DAZL: variants seen among roughly 807,000 people sequenced by gnomAD.
DAZL encodes deleted in azoospermia-like.
DAZL carries 4 observed loss-of-function variants against 45.0 expected under a neutral mutation model. The ratio of observed to expected loss-of-function variants is 0.09; its 90% CI spans 0.04 to 0.20. The LOEUF (loss-of-function observed/expected upper bound fraction) is 0.20, where lower values mean the gene tolerates loss of function less well. Ranked by LOEUF, DAZL falls within the 10% of genes least tolerant of loss-of-function variation. The pLI is 1.00. For synonymous variants in DAZL, 122 were observed against 112.4 expected (o/e 1.09, Z -0.54); for missense variants, 326 against 351.3 (o/e 0.93, Z 0.58).
At chr3:16,593,339 G>A (rs568992191) in intron 9 of DAZL, among the ~76,000 whole-genome samples, 2 of 152,118 alleles carry the variant, frequency 1.3e-5, no homozygotes, top group South Asian at 4.1e-4. Flanking sequence ...CTGAATATTA[G>A]TCAATTATTT....
At chr3:16,597,588 A>G (rs1197622039) in intron 3 of DAZL, 47 bp from the exon 4 acceptor site, 1 of 1,168,032 alleles carries the variant, frequency 8.6e-7, no homozygotes, top group Non-Finnish European at 1.3e-6. Context: ...CATACAGTAC[A>G]TGGTTCAGAA....
chr3:16,605,252 G>A lies in DAZL; in HGVS notation c.-47C>T, dbSNP rs1390550285. 1 of 1,613,460 alleles carries A rather than the reference G, an allele frequency of 6.2e-7. No individual in the cohort carries two copies. The highest frequency in any genetic ancestry group is 1.7e-5 in the Admixed American group (1 of 60,038). ...CCGACCGGCTCCAGGAGGAGCAGAG[G>A]CTGTGCTTGGCGCACCACTTCTGGG... is the stretch of plus-strand genomic sequence containing the variant. On this transcript the variant is annotated 5_prime_UTR_variant, in exon 1 of 11. Coordinates refer to ENST00000399444, the MANE Select transcript of DAZL (RefSeq NM_001351.4).
Position 16,597,071 on chromosome 3 carries a change from A to G in DAZL, c.295-20T>C, listed in dbSNP as rs1254410382. ...CTGTGACTGAAAATAAAACAGTAAC[A>G]AAACTAGAATCAATTTTCAAGTCTT... is the stretch of plus-strand genomic sequence containing the variant. On this transcript the variant is annotated intron_variant, in intron 4 of 10. Coordinates refer to ENST00000399444, the MANE Select transcript of DAZL (RefSeq NM_001351.4). 2 of 1,606,190 alleles carry G rather than the reference A, an allele frequency of 1.2e-6. No individual in the cohort carries two copies. The highest frequency in any genetic ancestry group is 1.7e-6 in the Non-Finnish European group (2 of 1,174,744).
chr3:16,597,164 A>T, intron 4 of DAZL, 113 bp from the exon 5 acceptor site: 1 of 1,258,426 alleles, frequency 7.9e-7, no homozygotes, highest in Non-Finnish European at 1.1e-6. Context: ...GATCAGTGAT[A>T]ACTACACACC....
At position 16,597,561 on chromosome 3, in the gene DAZL, A is replaced by G; in HGVS notation, c.243-20T>C. On this transcript the variant is annotated intron_variant, in intron 3 of 10. Coordinates refer to ENST00000399444, the MANE Select transcript of DAZL (RefSeq NM_001351.4). ...CCATAGCTATAAAGGCAGATAAATG[A>G]AGTATAAAATCACCATCATACAGTA... is the stretch of plus-strand genomic sequence containing the variant. 12 of 1,511,730 alleles carry G rather than the reference A, an allele frequency of 7.9e-6. No individual in the cohort carries two copies. The highest frequency in any genetic ancestry group is 1.1e-5 in the Non-Finnish European group (12 of 1,087,144). 93.6% of individuals were successfully genotyped at this position (1,511,730 alleles called of 1,614,324 possible). A position where few individuals can be genotyped will look rare whatever the true frequency, so the allele number is the denominator to read the frequency against.
At position 16,605,330 on chromosome 3, in the gene DAZL, G is replaced by C. The variant is rs1694762985; in HGVS notation, c.-125C>G. The C allele has an allele frequency of 5.0e-6, 6 of 1,193,226 alleles. No homozygotes were observed. In the Admixed American group the frequency reaches 8.5e-5, roughly 17 times the overall value. 73.9% of individuals were successfully genotyped at this position (1,193,226 alleles called of 1,614,324 possible). A position where few individuals can be genotyped will look rare whatever the true frequency, so the allele number is the denominator to read the frequency against. The stretch of plus-strand genomic sequence containing the variant: ...TGCGCGGCTTCGAGTGGTCAAAGGA[G>C]CCAAAGATGAAGAGAAAAGGAAAAC... On this transcript the variant is annotated 5_prime_UTR_variant, in exon 1 of 11. Coordinates refer to ENST00000399444, the MANE Select transcript of DAZL (RefSeq NM_001351.4).
At chr3:16,597,984 C>T in intron 3 of DAZL, 103 bp downstream of exon 3, 1 of 1,218,006 alleles carries the variant, frequency 8.2e-7, no homozygotes, top group Non-Finnish European at 1.2e-6. Context: ...AAGAAATTAA[C>T]ACAGCAACAA....
At chr3:16,596,699 G>A in intron 6 of DAZL, 51 bp downstream of exon 6, 2 of 1,592,888 alleles carry the variant, frequency 1.3e-6, no homozygotes, top group South Asian at 2.2e-5. Flanking sequence ...TTCCACAGAA[G>A]GTACGATGAC....
At chr3:16,604,171 C>T (rs751287015) in intron 1 of DAZL, among the ~76,000 whole-genome samples, 3 of 151,628 alleles carry the variant, frequency 2.0e-5, no homozygotes, top group Admixed American at 6.6e-5. Flanking sequence ...AAATTTCCTC[C>T]CTGAAGAGAC....
chr3:16,598,744 A>G, intron 1 of DAZL, 146 bp from the exon 2 acceptor site: 1 of 1,003,674 alleles, frequency 1.0e-6, no homozygotes, highest in Non-Finnish European at 1.3e-6. Context: ...ATTTAAACTT[A>G]TCAGAGTAGA....
chr3:16,604,559 C>T, intron 1 of DAZL: 4 of 1,438,622 alleles, frequency 2.8e-6, no homozygotes, highest in Non-Finnish European at 3.6e-6. Flanking sequence ...TCCGGCCCAG[C>T]CCCCTCAGCT....
chr3:16,603,181 C>G (rs539749173), intron 1 of DAZL, among the ~76,000 whole-genome samples: 1 of 152,098 alleles, frequency 6.6e-6, no homozygotes, highest in Non-Finnish European at 1.5e-5. Context: ...AAAGATGTAT[C>G]ATAATTTGAT....
At position 16,596,491 on chromosome 3, in the gene DAZL, G is replaced by C. The variant is rs563046975; in HGVS notation, c.498+259C>G. ...AAATGCTTTAGGAACTAGTTATATG[G>C]GGGGAAAAAGGAAGAGATTTCTTCA... On this transcript the variant is annotated intron_variant, in intron 6 of 10. Transcript: ENST00000399444. Among the ~76,000 whole-genome samples, 132 of 147,394 alleles carry C rather than the reference G, an allele frequency of 9.0e-4. 2 individuals carry two copies. Among genetic ancestry groups the C allele is most frequent in the African/African-American group, 3.1e-3 (126 of 40,726 alleles).
At position 16,605,223 on chromosome 3, in the gene DAZL, G is replaced by A. The variant is rs747551799; in HGVS notation, c.-18C>T. ...CTCACCATGATGGCGGCAGGCAGCAGTTCCCGACCGGCTCCAGGAGGAGCA... is the reference window on the plus strand; with the variant it reads ...CTCACCATGATGGCGGCAGGCAGCAATTCCCGACCGGCTCCAGGAGGAGCA... On this transcript the variant is annotated 5_prime_UTR_variant, in exon 1 of 11. Coordinates refer to ENST00000399444, the MANE Select transcript of DAZL (RefSeq NM_001351.4). 10 of 1,614,074 alleles carry A rather than the reference G, an allele frequency of 6.2e-6. No homozygotes were observed. In the East Asian group the frequency reaches 8.9e-5, roughly 14 times the overall value.
At chr3:16,593,806 T>A (rs1694557345) in intron 8 of DAZL, 38 bp from the exon 9 acceptor site, 1 of 1,330,190 alleles carries the variant, frequency 7.5e-7, no homozygotes, top group African/African-American at 1.5e-5. Context: ...TAAACAGATA[T>A]ACAGATATAT....
intron 1 of DAZL, among the ~76,000 whole-genome samples, chr3:16,602,385 C>G (rs1321401246): frequency 6.6e-6 from 1 of 151,966 alleles, no homozygotes; most frequent in African/African-American, 2.4e-5. Context: ...GTTTTTTCAA[C>G]TTGTAAAGAA....
rs777461799 is a variant in DAZL, at chr3:16,592,111, C to G, written c.773G>C (p.Cys258Ser). Reference protein sequence around the residue: ...VDRSIQTVVSCLFNPENRLRN... With the variant: ...VDRSIQTVVSSLFNPENRLRN... ...CAGTCTGTTCTCTGGATTAAACAGA[C>G]AAGATACCACCGTTTGTATGCTTCG... The change falls in exon 10 of 11, where the codon TGT becomes TCT. Residue 258 changes from cysteine to serine, a missense_variant. Physicochemically the swap from Cys to Ser is moderately radical, Grantham distance 112. Around this residue, in one of 3 missense-constraint regions of DAZL, gnomAD observed 227 missense variants for 216.6 expected, o/e 1.05. Transcript: ENST00000399444. 6.2e-7 allele frequency: 1 copy of G among 1,613,666 alleles called. No individual in the cohort carries two copies. The highest frequency in any genetic ancestry group is 1.1e-5 in the South Asian group (1 of 91,074).
intron 10 of DAZL, among the ~76,000 whole-genome samples, chr3:16,590,413 T>C (rs533624852): frequency 4.6e-4 from 69 of 149,368 alleles, no homozygotes; most frequent in African/African-American, 1.3e-3. Flanking sequence ...AGTCTTTCTG[T>C]TTTAAGACAC....
intron 1 of DAZL, among the ~76,000 whole-genome samples, chr3:16,598,992 AG>A (rs1694643168): frequency 1.3e-5 from 2 of 152,140 alleles, no homozygotes; most frequent in African/African-American, 4.8e-5. Flanking sequence ...CATGTTGGCC[AG>A]GCTGGTCTCG....
Sources: gnomAD v4.1 joint callset for allele counts (sites outside exome capture counted in the v4.1 genomes callset) on GRCh38, gnomAD v4.1.1 for gene constraint, gnomAD v4.1.1 regional missense constraint, MANE v1.5 for transcripts, NCBI Gene and HGNC (gene_info 2026-07-23, HGNC 2026-07-21) for gene names.